Variants in IMMP2L observed in about 807,000 individuals in gnomAD.
IMMP2L encodes mitochondrial inner membrane protease subunit 2.
In IMMP2L, 18 loss-of-function variants were observed where a neutral mutation model predicts 19.3. The ratio of observed to expected loss-of-function variants is 0.93; its 90% CI spans 0.64 to 1.38. The LOEUF (loss-of-function observed/expected upper bound fraction) is 1.38, where lower values mean the gene tolerates loss of function less well. IMMP2L is among the 40% of genes most tolerant of loss of function. IMMP2L has a pLI of 0.00. For missense variants in IMMP2L, 233 were observed against 218.2 expected (o/e 1.07, Z -0.43); for synonymous variants, 76 against 73.0 (o/e 1.04, Z -0.21).
At chr7:111,450,878 C>T (rs1331517482) in intron 3 of IMMP2L, among the ~76,000 whole-genome samples, 2 of 150,998 alleles carry the variant, frequency 1.3e-5, no homozygotes, top group Non-Finnish European at 3.0e-5. Context: ...AAACAAACAA[C>T]CCCATCAAAA....
intron 4 of IMMP2L, among the ~76,000 whole-genome samples, chr7:110,959,355 G>T (rs568005387): frequency 1.3e-5 from 2 of 151,892 alleles, no homozygotes; most frequent in African/African-American, 4.8e-5. Context: ...TAGACTAAGG[G>T]CTTCTAGTAG....
chr7:110,859,826 G>A (rs1807206300), intron 5 of IMMP2L, among the ~76,000 whole-genome samples: 1 of 151,876 alleles, frequency 6.6e-6, no homozygotes, highest in South Asian at 2.1e-4. Flanking sequence ...CTTTTGTCAG[G>A]AGTAAAGTGT....
chr7:110,953,742 C>T (rs1818074943), intron 4 of IMMP2L, among the ~76,000 whole-genome samples: 1 of 152,152 alleles, frequency 6.6e-6, no homozygotes, highest in Non-Finnish European at 1.5e-5. Context: ...GGAATCGCCA[C>T]ACTGTCTACC....
At chr7:111,156,686 T>C (rs757542713) in intron 3 of IMMP2L, among the ~76,000 whole-genome samples, 2 of 152,074 alleles carry the variant, frequency 1.3e-5, no homozygotes, top group Non-Finnish European at 2.9e-5. Flanking sequence ...ATGACTTTGA[T>C]GCTAATATTA....
At chr7:110,815,268 T>G (rs1357557225) in intron 5 of IMMP2L, among the ~76,000 whole-genome samples, 1 of 152,152 alleles carries the variant, frequency 6.6e-6, no homozygotes, top group Non-Finnish European at 1.5e-5. Context: ...TGGATTACAT[T>G]TATTGATTTG....
At chr7:110,994,105 G>A (rs1822780055) in intron 3 of IMMP2L, among the ~76,000 whole-genome samples, 1 of 151,042 alleles carries the variant, frequency 6.6e-6, no homozygotes, top group South Asian at 2.1e-4. Flanking sequence ...ATCATTCATT[G>A]ATTCCTTAAG....
intron 5 of IMMP2L, among the ~76,000 whole-genome samples, chr7:110,699,907 T>C (rs549865087): frequency 6.6e-6 from 1 of 152,248 alleles, no homozygotes; most frequent in East Asian, 1.9e-4. Flanking sequence ...AAGCATCTCA[T>C]GGTAAAGACC....
chr7:111,081,851 G>C (rs758174694), intron 3 of IMMP2L, among the ~76,000 whole-genome samples: 3 of 152,160 alleles, frequency 2.0e-5, no homozygotes, highest in Non-Finnish European at 4.4e-5. Context: ...AACAGGGAGA[G>C]GGATGATAAA....
At chr7:111,515,655 G>C (rs1391227070) in intron 2 of IMMP2L, among the ~76,000 whole-genome samples, 1 of 151,960 alleles carries the variant, frequency 6.6e-6, no homozygotes, top group Non-Finnish European at 1.5e-5. Flanking sequence ...AATTTTTTAA[G>C]AGTTTTGCAC....
chr7:111,127,014 T>C (rs2129591802), intron 3 of IMMP2L, among the ~76,000 whole-genome samples: 1 of 152,322 alleles, frequency 6.6e-6, no homozygotes, highest in Admixed American at 6.5e-5. Context: ...CCTAGCTGTT[T>C]TTGACAATGT....
chr7:111,540,115 A>T (rs1848385416), intron 1 of IMMP2L, among the ~76,000 whole-genome samples: 1 of 152,184 alleles, frequency 6.6e-6, no homozygotes, highest in African/African-American at 2.4e-5. Flanking sequence ...ACCTCATTTT[A>T]ATAGTTTCTT....
chr7:111,501,510 A>T (rs1330693120), intron 2 of IMMP2L, among the ~76,000 whole-genome samples: 1 of 152,178 alleles, frequency 6.6e-6, no homozygotes. Context: ...CAACTCCAAG[A>T]CACATAACTG....
chr7:111,071,399 G>A (rs1308485235), intron 3 of IMMP2L, among the ~76,000 whole-genome samples: 1 of 151,982 alleles, frequency 6.6e-6, no homozygotes, highest in African/African-American at 2.4e-5. Flanking sequence ...CGTATACCCT[G>A]AAACTAAAAA....
Position 111,118,989 on chromosome 7 carries a change from A to C in IMMP2L, c.240-155424T>G, listed in dbSNP as rs532719665. Among the ~76,000 whole-genome samples the C allele has an allele frequency of 8.5e-5, 13 of 152,258 alleles. No individual in the cohort carries two copies. In the East Asian group the frequency reaches 2.5e-3, roughly 29 times the overall value. On this transcript the variant is annotated intron_variant, in intron 3 of 5. Transcript: ENST00000405709. The stretch of plus-strand genomic sequence containing the variant: ...CATTTTCTAATTAAACACAAATATA[A>C]ATTTTAAGACACCCACCAGGATAAT...
intron 4 of IMMP2L, among the ~76,000 whole-genome samples, chr7:110,898,033 G>T (rs2129546883): frequency 6.6e-6 from 1 of 151,664 alleles, no homozygotes; most frequent in Admixed American, 6.6e-5. Flanking sequence ...AAAAAAAAGG[G>T]AGAAACAATC....
intron 4 of IMMP2L, among the ~76,000 whole-genome samples, chr7:110,892,769 G>A (rs1810937002): frequency 6.6e-6 from 1 of 151,894 alleles, no homozygotes; most frequent in South Asian, 2.1e-4. Context: ...TCCCTTATTG[G>A]GGTATAATTT....
intron 3 of IMMP2L, among the ~76,000 whole-genome samples, chr7:111,252,125 T>A (rs183362747): frequency 8.5e-4 from 129 of 152,130 alleles, no homozygotes; most frequent in Admixed American, 2.2e-3. Context: ...ATAGGTCATT[T>A]GGGAGCATAA....
At chr7:110,988,163 T>C (rs1822053434) in intron 3 of IMMP2L, among the ~76,000 whole-genome samples, 4 of 152,156 alleles carry the variant, frequency 2.6e-5, no homozygotes, top group Admixed American at 1.3e-4. Context: ...AAATGCACAA[T>C]AGCTCAAATC....
At chr7:110,928,564 G>A (rs546956360) in intron 4 of IMMP2L, among the ~76,000 whole-genome samples, 1 of 149,770 alleles carries the variant, frequency 6.7e-6, no homozygotes, top group East Asian at 1.9e-4. Context: ...AGACACCCAG[G>A]AGATAGAGAA....
Sources: gnomAD v4.1 joint callset for allele counts (sites outside exome capture counted in the v4.1 genomes callset) on GRCh38, gnomAD v4.1.1 for gene constraint, MANE v1.5 for transcripts, NCBI Gene and HGNC (gene_info 2026-07-23, HGNC 2026-07-21) for gene names.